Variants in CMC1 observed in about 807,000 individuals in gnomAD.
CMC1 encodes the protein C-X9-C motif containing 1, also known as COX assembly mitochondrial protein homolog.
Under a neutral mutation model 14.1 loss-of-function variants are expected in CMC1, and 14 were observed. That is an observed-to-expected ratio of 0.99 (90% CI 0.66 to 1.55). The LOEUF is 1.55. CMC1 is among the 40% of genes most tolerant of loss of function. The pLI is 0.00. For missense variants in CMC1, 127 were observed against 123.8 expected (o/e 1.03, Z -0.12); for synonymous variants, 50 against 38.4 (o/e 1.30, Z -1.12).
At chr3:28,293,876 C>T (rs1701612545) in intron 2 of CMC1, among the ~76,000 whole-genome samples, 1 of 152,132 alleles carries the variant, frequency 6.6e-6, no homozygotes, top group African/African-American at 2.4e-5. Context: ...GACACCATGC[C>T]TGGCTAAAAG....
In CMC1 at chr3:28,241,786, C is replaced by T. The variant is rs1388875167; in HGVS notation, c.-8C>T. ...GCCAAGCGGCTACGTTCTTCTCGGC[C>T]CGCCGAGATGGCGCTCGACCCCGCA... On this transcript the variant is annotated 5_prime_UTR_variant, in exon 1 of 4. Transcript: ENST00000466830. The T allele has an allele frequency of 8.1e-7, 1 of 1,241,138 alleles. No homozygotes were observed. The highest frequency in any genetic ancestry group is 1.0e-6 in the Non-Finnish European group (1 of 988,120). The allele number at this position is 1,241,138 out of a possible 1,614,324, so 76.9% of individuals were successfully genotyped here. A position where few individuals can be genotyped will look rare whatever the true frequency, so the allele number is the denominator to read the frequency against.
At chr3:28,288,016 C>A (rs1026365343) in intron 2 of CMC1, among the ~76,000 whole-genome samples, 35 of 152,038 alleles carry the variant, frequency 2.3e-4, no homozygotes, top group African/African-American at 8.4e-4. Flanking sequence ...AGCCACATTT[C>A]AAATGCTCAA....
chr3:28,277,681 G>A (rs1033004778), intron 2 of CMC1, among the ~76,000 whole-genome samples: 1 of 152,064 alleles, frequency 6.6e-6, no homozygotes, highest in Non-Finnish European at 1.5e-5. Flanking sequence ...AGGAGGTGAA[G>A]GAGTGAGATA....
At chr3:28,266,966 A>T (rs915749544) in intron 2 of CMC1, among the ~76,000 whole-genome samples, 4 of 152,118 alleles carry the variant, frequency 2.6e-5, no homozygotes, top group Non-Finnish European at 5.9e-5. Context: ...TCGCTTTCTT[A>T]CTTCCTCCCA....
In CMC1 at chr3:28,274,212, G is replaced by GTTTTTTTTGTTTTTTTTTTTTT. The variant is rs376321066; in HGVS notation, c.109+10839_109+10840insTGTTTTTTTTTTTTTTTTTTTT. 1.0e-4 allele frequency among the ~76,000 whole-genome samples: 9 copies of GTTTTTTTTGTTTTTTTTTTTTT among 88,182 alleles called. 1 individual carries two copies. The highest frequency in any genetic ancestry group is 3.9e-4 in the African/African-American group (8 of 20,648). The allele number at this position is 88,182 out of a possible 152,430, so 57.9% of individuals were successfully genotyped here. On this transcript the variant is annotated intron_variant, in intron 2 of 3. Transcript: ENST00000466830. ...TTGGTCTTTGTACTAAAGTGTTTTT[G>GTTTTTTTTGTTTTTTTTTTTTT]TTTTTTTCTTTTTTTTTTTTTTTGC...
At chr3:28,277,120 A>G (rs1559417381) in intron 2 of CMC1, among the ~76,000 whole-genome samples, 1 of 152,208 alleles carries the variant, frequency 6.6e-6, no homozygotes, top group Non-Finnish European at 1.5e-5. Context: ...TCTAAATCCT[A>G]TAAATCAGCA....
In CMC1 at chr3:28,307,358, T is replaced by C. The variant is rs111736575; in HGVS notation, c.110-8975T>C. Among the ~76,000 whole-genome samples, 675 of 152,172 alleles carry C rather than the reference T, an allele frequency of 4.4e-3. 5 individuals are homozygous for C. Among genetic ancestry groups the C allele is most frequent in the Non-Finnish European group, 7.5e-3 (511 of 67,996 alleles). On this transcript the variant is annotated intron_variant, in intron 2 of 3. Transcript: ENST00000466830. The stretch of plus-strand genomic sequence containing the variant: ...GTGCAATATAGCAAGACCTTGTCTC[T>C]AGGAAAAATAAATAAAAAAAATTAG...
At chr3:28,272,124 C>A (rs1010674879) in intron 2 of CMC1, among the ~76,000 whole-genome samples, 1 of 152,098 alleles carries the variant, frequency 6.6e-6, no homozygotes, top group Non-Finnish European at 1.5e-5. Context: ...AGCTTTTGGG[C>A]TGAGACAGTG....
intron 1 of CMC1, 68 bp downstream of exon 1, chr3:28,241,880 G>T (rs993194188): frequency 8.2e-7 from 1 of 1,225,976 alleles, no homozygotes; most frequent in East Asian, 3.2e-5. Flanking sequence ...GGCCATGCGG[G>T]CTGGATGCCG....
intron 2 of CMC1, among the ~76,000 whole-genome samples, chr3:28,293,170 T>G (rs888631075): frequency 2.6e-5 from 4 of 152,186 alleles, no homozygotes; most frequent in Non-Finnish European, 5.9e-5. Context: ...ATAGTTCTGT[T>G]TTCTTCCCCG....
chr3:28,306,019 TTC>T (rs1164018821), intron 2 of CMC1, among the ~76,000 whole-genome samples: 1 of 151,920 alleles, frequency 6.6e-6, no homozygotes. Context: ...TATTTCCAGG[TTC>T]TCTGTTCTGT....
chr3:28,270,333 A>G (rs765001900), intron 2 of CMC1, among the ~76,000 whole-genome samples: 9 of 152,236 alleles, frequency 5.9e-5, no homozygotes, highest in Non-Finnish European at 1.0e-4. Context: ...AGGAATCACC[A>G]CACTGTCTTC....
At chr3:28,288,107 C>T (rs1701284967) in intron 2 of CMC1, among the ~76,000 whole-genome samples, 1 of 151,932 alleles carries the variant, frequency 6.6e-6, no homozygotes, top group Non-Finnish European at 1.5e-5. Flanking sequence ...AATTATTGAA[C>T]AGCTCTGGTA....
At chr3:28,306,407 A>C (rs986391389) in intron 2 of CMC1, among the ~76,000 whole-genome samples, 2 of 151,884 alleles carry the variant, frequency 1.3e-5, no homozygotes, top group African/African-American at 4.8e-5. Context: ...CCTTGGCCAG[A>C]TGTCTACCTA....
chr3:28,313,611 A>G (rs1166854907), intron 2 of CMC1, among the ~76,000 whole-genome samples: 1 of 152,234 alleles, frequency 6.6e-6, no homozygotes, highest in East Asian at 1.9e-4. Flanking sequence ...TTGCTAAACA[A>G]GTGACAAAAA....
chr3:28,279,244 C>T (rs534775447), intron 2 of CMC1, among the ~76,000 whole-genome samples: 67 of 152,268 alleles, frequency 4.4e-4, no homozygotes, highest in African/African-American at 1.4e-3. Flanking sequence ...ACCCCTCAGT[C>T]TTGTTGGTCT....
intron 1 of CMC1, among the ~76,000 whole-genome samples, chr3:28,258,386 A>T (rs1699535596): frequency 6.6e-6 from 1 of 151,350 alleles, no homozygotes. Context: ...AAGGAATTGA[A>T]GGGTCTTTTT....
intron 2 of CMC1, among the ~76,000 whole-genome samples, chr3:28,307,187 T>G (rs1702364954): frequency 6.6e-6 from 1 of 152,070 alleles, no homozygotes; most frequent in Non-Finnish European, 1.5e-5. Context: ...GGGATACAAG[T>G]TTTTGTTACA....
Position 28,278,044 on chromosome 3 carries a change from C to CTGATTGTGTGATTGATG in CMC1, c.109+14688_109+14704dup, listed in dbSNP as rs139978167. Among the ~76,000 whole-genome samples, 978 of 143,696 alleles carry CTGATTGTGTGATTGATG rather than the reference C, an allele frequency of 6.8e-3. 24 individuals carry two copies. The highest frequency in any genetic ancestry group is 0.014 in the Middle Eastern group (4 of 284). The allele number at this position is 143,696 out of a possible 152,430, so 94.3% of individuals were successfully genotyped here. On this transcript the variant is annotated intron_variant, in intron 2 of 3. Coordinates refer to ENST00000466830, the MANE Select transcript of CMC1 (RefSeq NM_182523.2). ...GGAGAATTAGAGACACCATTTTTGTCTGATTGTGTGATTGATGTGATTGTG... is the reference window on the plus strand; with the variant it reads ...GGAGAATTAGAGACACCATTTTTGTCTGATTGTGTGATTGATGTGATTGTGTGATTGATGTGATTGTG...
Sources: gnomAD v4.1 joint callset for allele counts (sites outside exome capture counted in the v4.1 genomes callset) on GRCh38, gnomAD v4.1.1 for gene constraint, MANE v1.5 for transcripts, NCBI Gene and HGNC (gene_info 2026-07-23, HGNC 2026-07-21) for gene names.